SUMF1: variants seen among roughly 807,000 people sequenced by gnomAD.
SUMF1 encodes the protein formylglycine-generating enzyme.
SUMF1 carries 48 observed loss-of-function variants against 47.6 expected under a neutral mutation model. The ratio of observed to expected loss-of-function variants is 1.01; its 90% CI spans 0.80 to 1.28. SUMF1 has a LOEUF of 1.28. Ranked by LOEUF, SUMF1 falls within the 50% of genes most tolerant of loss-of-function variation. SUMF1 has a pLI of 0.00. For synonymous variants in SUMF1, 230 were observed against 192.1 expected, an observed-to-expected ratio of 1.20 and a Z score of -1.63; for missense variants, 571 against 485.4, an observed-to-expected ratio of 1.18 and a Z score of -1.66.
chr3:4,104,746 T>C (rs912362927), intron 8 of SUMF1, among the ~76,000 whole-genome samples: 1 of 151,976 alleles, frequency 6.6e-6, no homozygotes, highest in Non-Finnish European at 1.5e-5. Flanking sequence ...TGTAATAATT[T>C]TTTTCCTTTA....
At chr3:4,226,405 G>C (rs1293061613) in intron 8 of SUMF1, among the ~76,000 whole-genome samples, 1 of 151,360 alleles carries the variant, frequency 6.6e-6, no homozygotes, top group Non-Finnish European at 1.5e-5. Context: ...GAGTAGCTGG[G>C]ACTACAGGTG....
At chr3:4,364,935 T>C (rs77161101) in intron 8 of SUMF1, among the ~76,000 whole-genome samples, 59,597 of 147,382 alleles carry the variant, frequency 0.4, 12,227 homozygotes, top group Non-Finnish European at 0.45. Flanking sequence ...TCTTTGTTCT[T>C]GTTGGTTTCA....
chr3:4,173,878 G>A (rs143114807), intron 8 of SUMF1, among the ~76,000 whole-genome samples: 18 of 152,216 alleles, frequency 1.2e-4, no homozygotes, highest in African/African-American at 2.9e-4. Flanking sequence ...AGGGCCTGTC[G>A]GAGGTGGGGT....
chr3:4,381,624 C>G (rs549961050), intron 7 of SUMF1, among the ~76,000 whole-genome samples: 1 of 152,358 alleles, frequency 6.6e-6, no homozygotes, highest in South Asian at 2.1e-4. Flanking sequence ...AAAATAACAG[C>G]ATCAAGCATT....
At chr3:4,322,995 G>T (rs111569960) in intron 8 of SUMF1, among the ~76,000 whole-genome samples, 1,776 of 152,208 alleles carry the variant, frequency 0.012, 18 homozygotes, top group African/African-American at 0.035. Flanking sequence ...ATATTCATTA[G>T]CCGATGAATG....
At chr3:4,100,300 C>A (rs1311055527) in intron 8 of SUMF1, among the ~76,000 whole-genome samples, 2 of 151,696 alleles carry the variant, frequency 1.3e-5, no homozygotes, top group East Asian at 3.9e-4. Flanking sequence ...TATTCCAAAG[C>A]AATAATAATC....
chr3:4,326,852 A>G (rs768848775), intron 8 of SUMF1, among the ~76,000 whole-genome samples: 2 of 152,206 alleles, frequency 1.3e-5, no homozygotes, highest in Middle Eastern at 3.4e-3. Flanking sequence ...CTCTAACATC[A>G]TCTCAATTTC....
At chr3:4,200,201 G>A (rs1478113647) in intron 8 of SUMF1, among the ~76,000 whole-genome samples, 2 of 146,642 alleles carry the variant, frequency 1.4e-5, no homozygotes, top group African/African-American at 5.0e-5. Context: ...TTTGCGTATG[G>A]CTACTGTGAT....
chr3:4,439,284 G>A (rs916239800), intron 3 of SUMF1, among the ~76,000 whole-genome samples: 3 of 152,136 alleles, frequency 2.0e-5, no homozygotes, highest in Non-Finnish European at 4.4e-5. Flanking sequence ...AGCACTTTAG[G>A]AGGCTGAGGC....
At chr3:4,442,652 A>AAAAAAAAAAAAAAAGG (rs1702643391) in intron 3 of SUMF1, among the ~76,000 whole-genome samples, 1 of 33,894 alleles carries the variant, frequency 3.0e-5, no homozygotes. Flanking sequence ...AAAAAAAAAA[A>AAAAAAAAAAAAAAAGG]GAGAGAGAAA....
At chr3:4,091,949 C>G (rs1484245495) in intron 8 of SUMF1, among the ~76,000 whole-genome samples, 1 of 151,560 alleles carries the variant, frequency 6.6e-6, no homozygotes, top group Non-Finnish European at 1.5e-5. Flanking sequence ...CCTCAAAGGA[C>G]AGCTGCAATA....
intron 8 of SUMF1, among the ~76,000 whole-genome samples, chr3:4,103,876 G>A (rs892262731): frequency 6.6e-6 from 1 of 152,180 alleles, no homozygotes; most frequent in East Asian, 1.9e-4. Flanking sequence ...GTTTGGAAGA[G>A]CAGAAGCAGA....
intron 8 of SUMF1, among the ~76,000 whole-genome samples, chr3:4,299,699 C>T (rs1575063403): frequency 6.6e-6 from 1 of 152,062 alleles, no homozygotes; most frequent in Non-Finnish European, 1.5e-5. Flanking sequence ...AATCCCAGCT[C>T]CTCAAGAGGC....
At chr3:4,395,491 G>A (rs1469361009) in intron 7 of SUMF1, among the ~76,000 whole-genome samples, 1 of 152,184 alleles carries the variant, frequency 6.6e-6, no homozygotes, top group East Asian at 1.9e-4. Flanking sequence ...TCCTGCATGA[G>A]AGGAAAAGGT....
At chr3:4,184,363 T>C (rs1208331276) in intron 8 of SUMF1, among the ~76,000 whole-genome samples, 4 of 151,560 alleles carry the variant, frequency 2.6e-5, no homozygotes, top group African/African-American at 9.7e-5. Context: ...GGCTGAGGTA[T>C]GAGAATCGCT....
At chr3:4,253,978 G>A (rs1048680164) in intron 8 of SUMF1, among the ~76,000 whole-genome samples, 4 of 150,866 alleles carry the variant, frequency 2.7e-5, no homozygotes, top group African/African-American at 7.4e-5. Context: ...CAGCCTAACT[G>A]GGAGGCACCC....
chr3:4,076,928 C>A (rs539371474), intron 8 of SUMF1, among the ~76,000 whole-genome samples: 5 of 151,860 alleles, frequency 3.3e-5, no homozygotes, highest in Non-Finnish European at 5.9e-5. Flanking sequence ...GGCGTGAACC[C>A]GAGAGGCAGA....
rs550867876 is a variant in SUMF1 at position 4,285,891 on chromosome 3, A to T, written c.1014+90439T>A. ...TAAGCAAAAAAAGTTAACTAAAAGT[A>T]TAAATTATAATTTAAATTCATTAAT... On this transcript the variant is annotated intron_variant and NMD_transcript_variant, in intron 8 of 12. Transcript: ENST00000448413. 1.1e-3 allele frequency among the ~76,000 whole-genome samples: 168 copies of T among 152,304 alleles called. 2 individuals are homozygous for T. The highest frequency in any genetic ancestry group is 1.6e-3 in the Non-Finnish European group (111 of 67,974).
chr3:4,069,288 A>G (rs1695459436), intron 8 of SUMF1, among the ~76,000 whole-genome samples: 1 of 152,182 alleles, frequency 6.6e-6, no homozygotes, highest in Non-Finnish European at 1.5e-5. Context: ...GGAGAGATGA[A>G]ATACAACAGC....
Sources: gnomAD v4.1 joint callset for allele counts (sites outside exome capture counted in the v4.1 genomes callset) on GRCh38, gnomAD v4.1.1 for gene constraint, MANE v1.5 for transcripts, NCBI Gene and HGNC (gene_info 2026-07-23, HGNC 2026-07-21) for gene names.